Variants in CRIM1 observed in about 807,000 individuals in gnomAD.
The protein encoded by CRIM1 is cysteine rich transmembrane BMP regulator 1.
A neutral mutation model predicts 116.4 loss-of-function variants in CRIM1; 32 were observed. The ratio of observed to expected loss-of-function variants is 0.27; its 90% CI spans 0.21 to 0.37. The LOEUF is 0.37. Among genes scored for constraint, CRIM1 ranks in the 10% least tolerant of loss-of-function variants. The pLI is 1.00. For missense variants in CRIM1, 1,331 were observed against 1,354.8 expected, an observed-to-expected ratio of 0.98 and a Z score of 0.28; for synonymous variants, 590 against 509.2, an observed-to-expected ratio of 1.16 and a Z score of -2.13.
intron 13 of CRIM1, among the ~76,000 whole-genome samples, chr2:36,536,712 T>G (rs1666578533): frequency 6.6e-6 from 1 of 152,114 alleles, no homozygotes; most frequent in African/African-American, 2.4e-5. Context: ...CAAGGGACCA[T>G]GGGAAGAAGG....
intron 4 of CRIM1, among the ~76,000 whole-genome samples, chr2:36,452,301 G>C (rs557194215): frequency 6.6e-6 from 1 of 152,228 alleles, no homozygotes; most frequent in East Asian, 1.9e-4. Context: ...CCTGACTCCT[G>C]ACATACTATT....
At chr2:36,536,204 C>T (rs1245381062) in intron 13 of CRIM1, among the ~76,000 whole-genome samples, 2 of 152,192 alleles carry the variant, frequency 1.3e-5, no homozygotes, top group South Asian at 4.1e-4. Context: ...CTCCTGATGC[C>T]ATTATGGGCT....
intron 1 of CRIM1, among the ~76,000 whole-genome samples, chr2:36,376,094 T>A (rs1670297415): frequency 6.6e-6 from 1 of 152,160 alleles, no homozygotes. Context: ...GGCCTGGACT[T>A]CCCTAAGCTT....
chr2:36,528,562 G>A (rs543307856), intron 13 of CRIM1, among the ~76,000 whole-genome samples: 26 of 152,306 alleles, frequency 1.7e-4, no homozygotes, highest in African/African-American at 6.3e-4. Context: ...TGATTCCTGG[G>A]AACAGAGTAC....
At chr2:36,540,166 G>A (rs1175709148) in intron 14 of CRIM1, among the ~76,000 whole-genome samples, 1 of 152,126 alleles carries the variant, frequency 6.6e-6, no homozygotes, top group Non-Finnish European at 1.5e-5. Context: ...TCAATCAAGC[G>A]CCACTGTTAG....
intron 1 of CRIM1, among the ~76,000 whole-genome samples, chr2:36,361,778 C>T (rs754247646): frequency 6.6e-6 from 1 of 152,126 alleles, no homozygotes; most frequent in Non-Finnish European, 1.5e-5. Flanking sequence ...AAGGGAAATA[C>T]ATTTAGTGAA....
At chr2:36,471,475 C>G (rs1232717307) in intron 5 of CRIM1, among the ~76,000 whole-genome samples, 1 of 152,172 alleles carries the variant, frequency 6.6e-6, no homozygotes, top group Non-Finnish European at 1.5e-5. Context: ...CCATCAGCAT[C>G]AAGGCAATAC....
chr2:36,493,514 A>G (rs1430420320), intron 7 of CRIM1, among the ~76,000 whole-genome samples: 1 of 152,192 alleles, frequency 6.6e-6, no homozygotes, highest in African/African-American at 2.4e-5. Flanking sequence ...AGTACTACAC[A>G]CAGACCCAAC....
At chr2:36,359,066 A>G (rs930702192) in intron 1 of CRIM1, among the ~76,000 whole-genome samples, 1 of 152,204 alleles carries the variant, frequency 6.6e-6, no homozygotes, top group African/African-American at 2.4e-5. Flanking sequence ...TTTACAAGAA[A>G]TTTCGGAATG....
chr2:36,356,026 T>C lies in CRIM1; in HGVS notation c.-267T>C, dbSNP rs1668769424. 1 of 151,920 alleles carries C rather than the reference T, an allele frequency of 6.6e-6. No homozygotes were observed. The highest frequency in any genetic ancestry group is 2.4e-5 in the African/African-American group (1 of 41,124). 9.4% of individuals were successfully genotyped at this position (151,920 alleles called of 1,614,324 possible). A position where few individuals can be genotyped will look rare whatever the true frequency, so the allele number is the denominator to read the frequency against. On this transcript the variant is annotated 5_prime_UTR_variant, in exon 1 of 17. Transcript: ENST00000280527. This position sits in a 1 kb window ranked among gnomAD's most constrained non-coding sequence, Gnocchi z 4.3. Reference sequence around the variant, plus strand: ...TGCCGGGAGGAAACTTTTTTCTTTTTTCCCCCTCCCTCCCGGGAGGAGGAG... The same window carrying C: ...TGCCGGGAGGAAACTTTTTTCTTTTCTCCCCCTCCCTCCCGGGAGGAGGAG...
chr2:36,408,821 CAAGA>C (rs1281185183), intron 2 of CRIM1, among the ~76,000 whole-genome samples: 4 of 151,852 alleles, frequency 2.6e-5, no homozygotes, highest in Non-Finnish European at 5.9e-5. Context: ...AAGGGAAGTT[CAAGA>C]AAGAGTCTGG....
intron 13 of CRIM1, 143 bp downstream of exon 13, chr2:36,522,456 T>C (rs2125131479): frequency 3.1e-6 from 2 of 655,402 alleles, no homozygotes; most frequent in Non-Finnish European, 5.4e-6. Flanking sequence ...GTAGCAACAC[T>C]GAGCAGAAGA....
In CRIM1 at chr2:36,550,901, A is replaced by T. The variant is rs1379932830; in HGVS notation, c.*2200A>T. The T allele has an allele frequency of 1.4e-5, 2 of 147,958 alleles. No homozygotes were observed. Among genetic ancestry groups the T allele is most frequent in the Non-Finnish European group, 1.5e-5 (1 of 65,086 alleles). 9.2% of individuals were successfully genotyped at this position (147,958 alleles called of 1,614,324 possible). On this transcript the variant is annotated 3_prime_UTR_variant, in exon 17 of 17. Transcript: ENST00000280527. ...TATAGGACAAGGTGTAAATTTTTTT[A>T]TTATTATTTTAAAGATATGATTTAT...
At chr2:36,408,684 C>G (rs892101672) in intron 2 of CRIM1, among the ~76,000 whole-genome samples, 5 of 152,104 alleles carry the variant, frequency 3.3e-5, no homozygotes, top group Non-Finnish European at 7.3e-5. Flanking sequence ...CAGGAGCTGT[C>G]AGGCAATTAA....
At chr2:36,452,430 T>C (rs1403762076) in intron 4 of CRIM1, among the ~76,000 whole-genome samples, 1 of 152,160 alleles carries the variant, frequency 6.6e-6, no homozygotes, top group Middle Eastern at 3.2e-3. Context: ...TCACAGTAAT[T>C]TTTGGCCCAA....
chr2:36,399,785 T>C (rs112673718), intron 2 of CRIM1, among the ~76,000 whole-genome samples: 1,767 of 152,292 alleles, frequency 0.012, 44 homozygotes, highest in African/African-American at 0.04. Flanking sequence ...TGTTTGTTTC[T>C]CAGGGAAGTA....
intron 1 of CRIM1, among the ~76,000 whole-genome samples, chr2:36,386,180 T>G (rs1671150903): frequency 6.6e-6 from 1 of 152,220 alleles, no homozygotes; most frequent in Admixed American, 6.5e-5. Context: ...AATGGTACTG[T>G]GCATTATTCA....
At chr2:36,506,177 TCTCTCACACACACACA>T (rs1297708317) in intron 8 of CRIM1, among the ~76,000 whole-genome samples, 62 of 86,308 alleles carry the variant, frequency 7.2e-4, no homozygotes, top group African/African-American at 2.1e-3. Flanking sequence ...TCTCTCTCTC[TCTCTCACACACACACA>T]CACACACACA....
intron 4 of CRIM1, among the ~76,000 whole-genome samples, chr2:36,462,213 A>C (rs1365499901): frequency 3.3e-5 from 5 of 152,240 alleles, no homozygotes; most frequent in Admixed American, 6.5e-5. Flanking sequence ...ACTTTAAAAA[A>C]AAAATAGGAA....
Sources: allele counts gnomAD v4.1 joint callset (sites outside exome capture counted in the v4.1 genomes callset), GRCh38; gene constraint gnomAD v4.1.1; non-coding constraint Gnocchi (gnomAD v3.1); transcripts MANE v1.5; gene names NCBI Gene and HGNC (gene_info 2026-07-23, HGNC 2026-07-21).